The following GSK3B variants were observed in gnomAD, a reference collection of about 807,000 sequenced individuals.
GSK3B encodes the protein glycogen synthase kinase-3 beta.
A neutral mutation model predicts 56.4 loss-of-function variants in GSK3B; 15 were observed. The observed-to-expected ratio is 0.27, with a 90% confidence interval of 0.18 to 0.41. GSK3B has a LOEUF of 0.41. GSK3B is among the 10% of genes least tolerant of loss of function. GSK3B has a pLI of 1.00. For synonymous variants in GSK3B, 181 were observed against 188.9 expected (o/e 0.96, Z 0.34); for missense variants, 300 against 513.4 (o/e 0.58, Z 4.02).
chr3:120,032,631 T>C (rs766134429), intron 1 of GSK3B, among the ~76,000 whole-genome samples: 7 of 152,006 alleles, frequency 4.6e-5, no homozygotes, highest in East Asian at 1.9e-4. Flanking sequence ...CTGGGCAAAA[T>C]AGTGAAACCC....
At chr3:120,001,541 T>C (rs1300125978) in intron 2 of GSK3B, among the ~76,000 whole-genome samples, 1 of 152,198 alleles carries the variant, frequency 6.6e-6, no homozygotes, top group African/African-American at 2.4e-5. Flanking sequence ...CTGTACAGTT[T>C]GCAGAATTGT....
intron 1 of GSK3B, among the ~76,000 whole-genome samples, chr3:120,056,243 CTT>C (rs1334031394): frequency 1.3e-5 from 2 of 152,296 alleles, no homozygotes; most frequent in Non-Finnish European, 2.9e-5. Flanking sequence ...TTAAATGTCT[CTT>C]TTAATTTCTA....
intron 7 of GSK3B, among the ~76,000 whole-genome samples, chr3:119,904,147 A>T (rs1233210131): frequency 6.7e-6 from 1 of 148,562 alleles, no homozygotes; most frequent in Non-Finnish European, 1.5e-5. Flanking sequence ...AATTTGTGAA[A>T]ATGTGTTTTC....
chr3:120,028,443 A>T (rs1335712103), intron 1 of GSK3B, among the ~76,000 whole-genome samples: 2 of 152,190 alleles, frequency 1.3e-5, no homozygotes. Flanking sequence ...CCTCTAGCCT[A>T]CAAGAGATTA....
In GSK3B at chr3:120,079,728, T is replaced by C. The variant is rs182573644; in HGVS notation, c.88+13619A>G. ...CATATTTTTTAAAGGCCTCAGAGTCTCTCAGTAAAAGTTATTCCTGATGTT... is the reference window on the plus strand; with the variant it reads ...CATATTTTTTAAAGGCCTCAGAGTCCCTCAGTAAAAGTTATTCCTGATGTT... On this transcript the variant is annotated intron_variant, in intron 1 of 10. Coordinates refer to ENST00000264235, the MANE Select transcript of GSK3B (RefSeq NM_001146156.2). 2.0e-3 allele frequency among the ~76,000 whole-genome samples: 309 copies of C among 152,218 alleles called. 1 individual carries two copies. The highest frequency in any genetic ancestry group is 6.8e-3 in the Middle Eastern group (2 of 292).
At chr3:119,907,273 T>C (rs1301959198) in intron 6 of GSK3B, among the ~76,000 whole-genome samples, 3 of 151,982 alleles carry the variant, frequency 2.0e-5, no homozygotes, top group East Asian at 1.9e-4. Flanking sequence ...GCTGAAAAAA[T>C]TGTAAGGGAA....
At chr3:119,871,734 C>T (rs1353778809) in intron 8 of GSK3B, among the ~76,000 whole-genome samples, 1 of 152,072 alleles carries the variant, frequency 6.6e-6, no homozygotes, top group Non-Finnish European at 1.5e-5. Flanking sequence ...ATGAATGTGG[C>T]TTCTCTGGGG....
intron 1 of GSK3B, among the ~76,000 whole-genome samples, chr3:120,051,961 G>C (rs1261470379): frequency 6.6e-6 from 1 of 152,140 alleles, no homozygotes; most frequent in Non-Finnish European, 1.5e-5. Context: ...TTTAAAACCA[G>C]TGAAAATTCC....
intron 2 of GSK3B, among the ~76,000 whole-genome samples, chr3:119,965,430 T>A (rs1424799254): frequency 6.6e-6 from 1 of 151,740 alleles, no homozygotes; most frequent in Non-Finnish European, 1.5e-5. Context: ...CAGGCTAGTC[T>A]TGAACTCCTG....
At chr3:119,901,147 G>T (rs2056620930) in intron 7 of GSK3B, among the ~76,000 whole-genome samples, 1 of 152,030 alleles carries the variant, frequency 6.6e-6, no homozygotes, top group Non-Finnish European at 1.5e-5. Flanking sequence ...TCCTGGTAGA[G>T]ATTTTCCAAA....
intron 1 of GSK3B, among the ~76,000 whole-genome samples, chr3:120,072,585 AT>A (rs142366149): frequency 1.5e-4 from 23 of 152,326 alleles, no homozygotes; most frequent in East Asian, 5.8e-4. Flanking sequence ...TCTCAAAAAA[AT>A]AATAATAATA....
intron 2 of GSK3B, among the ~76,000 whole-genome samples, chr3:119,952,494 AAAAAAAAAAG>A (rs1201245073): frequency 6.7e-6 from 1 of 149,364 alleles, no homozygotes; most frequent in Non-Finnish European, 1.5e-5. Flanking sequence ...TCTCAAAAAA[AAAAAAAAAAG>A]AAAAGAAAGA....
chr3:119,929,179 T>C (rs2056919358), intron 3 of GSK3B, among the ~76,000 whole-genome samples: 1 of 152,074 alleles, frequency 6.6e-6, no homozygotes. Context: ...AACAATCAGT[T>C]CCCATTGTAA....
intron 2 of GSK3B, among the ~76,000 whole-genome samples, chr3:119,970,613 T>TAAAAAA (rs1170925404): frequency 3.5e-5 from 4 of 114,274 alleles, no homozygotes; most frequent in African/African-American, 6.5e-5. Flanking sequence ...CTACTAAAAT[T>TAAAAAA]AAAAAAAAAA....
At chr3:119,971,601 ATTTTT>A (rs751790636) in intron 2 of GSK3B, among the ~76,000 whole-genome samples, 86 of 83,842 alleles carry the variant, frequency 1.0e-3, no homozygotes, top group African/African-American at 4.3e-3. Flanking sequence ...ATTTGCAATA[ATTTTT>A]TTTTTTTTTT....
chr3:119,956,960 G>T (rs2057220519), intron 2 of GSK3B, among the ~76,000 whole-genome samples: 1 of 152,200 alleles, frequency 6.6e-6, no homozygotes, highest in Admixed American at 6.5e-5. Context: ...GAATGAATGT[G>T]GCTGTCTGTT....
intron 1 of GSK3B, among the ~76,000 whole-genome samples, chr3:120,076,922 C>T (rs1052933919): frequency 6.6e-6 from 1 of 150,680 alleles, no homozygotes; most frequent in African/African-American, 2.4e-5. Flanking sequence ...CTCAACATCA[C>T]TTATCATCAG....
chr3:119,893,285 C>T (rs1185123340), intron 7 of GSK3B, among the ~76,000 whole-genome samples: 2 of 152,104 alleles, frequency 1.3e-5, no homozygotes, highest in Non-Finnish European at 2.9e-5. Context: ...CTGCATGAAC[C>T]ACCGCACCCA....
At chr3:119,926,597 A>T (rs1249268568) in intron 3 of GSK3B, among the ~76,000 whole-genome samples, 1 of 151,920 alleles carries the variant, frequency 6.6e-6, no homozygotes, top group Admixed American at 6.6e-5. Context: ...CTTCTACTCT[A>T]CCTCATTGGT....
Sources: gnomAD v4.1 joint callset for allele counts (sites outside exome capture counted in the v4.1 genomes callset) on GRCh38, gnomAD v4.1.1 for gene constraint, MANE v1.5 for transcripts, NCBI Gene and HGNC (gene_info 2026-07-23, HGNC 2026-07-21) for gene names.